Variants in PDE1A observed in about 807,000 individuals in gnomAD.
The protein encoded by PDE1A is dual specificity calcium/calmodulin-dependent 3',5'-cyclic nucleotide phosphodiesterase 1A.
PDE1A carries 35 observed loss-of-function variants against 61.7 expected under a neutral mutation model. That is an observed-to-expected ratio of 0.57 (90% CI 0.43 to 0.75). The LOEUF (loss-of-function observed/expected upper bound fraction) is 0.75. PDE1A is among the 30% of genes least tolerant of loss of function. The probability of loss-of-function intolerance (pLI) is 0.00; values close to 1 mark genes in which losing one functional copy is unlikely to be tolerated. For missense variants in PDE1A, 597 were observed against 630.6 expected, an observed-to-expected ratio of 0.95 and a Z score of 0.57; for synonymous variants, 232 against 213.2, an observed-to-expected ratio of 1.09 and a Z score of -0.77.
the PDE1A span, among the ~76,000 whole-genome samples, chr2:182,628,841 G>A: frequency 1.8e-4 from 27 of 152,180 alleles, no homozygotes; most frequent in Admixed American, 1.0e-3. Flanking sequence ...CCATGTTCTC[G>A]TAATCATCTC....
At chr2:182,529,543 G>A in the PDE1A span, among the ~76,000 whole-genome samples, 2 of 152,180 alleles carry the variant, frequency 1.3e-5, no homozygotes, top group Non-Finnish European at 2.9e-5. Flanking sequence ...TTAATACTTT[G>A]GGGGACTGTT....
At chr2:182,563,431 T>C in the PDE1A span, among the ~76,000 whole-genome samples, 6 of 152,228 alleles carry the variant, frequency 3.9e-5, no homozygotes, top group Non-Finnish European at 5.9e-5. Context: ...TAGTTTGTTA[T>C]CATTTCTGTT....
the PDE1A span, among the ~76,000 whole-genome samples, chr2:182,665,902 T>A: frequency 6.6e-6 from 1 of 152,106 alleles, no homozygotes; most frequent in Non-Finnish European, 1.5e-5. Flanking sequence ...AGGAATGAAA[T>A]CATGTCTTTT....
At chr2:182,614,556 T>TA in the PDE1A span, among the ~76,000 whole-genome samples, 1 of 142,304 alleles carries the variant, frequency 7.0e-6, no homozygotes. Flanking sequence ...AGCATATCTT[T>TA]TTTTTTTTTT....
At chr2:182,615,747 A>G in the PDE1A span, among the ~76,000 whole-genome samples, 1 of 152,140 alleles carries the variant, frequency 6.6e-6, no homozygotes, top group Non-Finnish European at 1.5e-5. Context: ...GGAAGGTAGA[A>G]GGGCAAGAGA....
At chr2:182,640,135 A>G in the PDE1A span, among the ~76,000 whole-genome samples, 41 of 152,368 alleles carry the variant, frequency 2.7e-4, no homozygotes, top group African/African-American at 9.9e-4. Context: ...GCATGGGCTA[A>G]GAATTTTATA....
At chr2:182,341,219 CA>C (rs1316071883) in intron 1 of PDE1A, among the ~76,000 whole-genome samples, 3 of 152,080 alleles carry the variant, frequency 2.0e-5, no homozygotes, top group Non-Finnish European at 4.4e-5. Context: ...AGGAGAGAAG[CA>C]AAATTCAAGC....
the PDE1A span, among the ~76,000 whole-genome samples, chr2:182,535,689 C>G: frequency 1.3e-5 from 2 of 152,028 alleles, no homozygotes; most frequent in Non-Finnish European, 2.9e-5. Flanking sequence ...ATTTCTCAAC[C>G]ATTCTACTAA....
chr2:182,247,962 C>CT (rs1216696899), intron 2 of PDE1A, among the ~76,000 whole-genome samples: 1 of 152,020 alleles, frequency 6.6e-6, no homozygotes, highest in Non-Finnish European at 1.5e-5. Context: ...ATTGTAAATG[C>CT]TTTTTAAAAA....
intron 7 of PDE1A, among the ~76,000 whole-genome samples, chr2:182,213,274 C>T (rs969077431): frequency 8.6e-5 from 12 of 138,768 alleles, no homozygotes; most frequent in Non-Finnish European, 1.4e-4. Context: ...TGTACATCAC[C>T]ATCATCAAAG....
the PDE1A span, among the ~76,000 whole-genome samples, chr2:182,662,838 A>G: frequency 6.6e-6 from 1 of 152,218 alleles, no homozygotes; most frequent in Non-Finnish European, 1.5e-5. Flanking sequence ...ATAGGATCTA[A>G]TTAAAATTAA....
chr2:182,477,929 T>G (rs1050899115), intron 2 of PDE1A, among the ~76,000 whole-genome samples: 3 of 151,822 alleles, frequency 2.0e-5, no homozygotes, highest in African/African-American at 7.3e-5. Flanking sequence ...TTCTCTAGAT[T>G]CCAGGTGTGT....
chr2:182,438,293 A>G (rs572371821), intron 2 of PDE1A, among the ~76,000 whole-genome samples: 1 of 152,096 alleles, frequency 6.6e-6, no homozygotes, highest in East Asian at 1.9e-4. Context: ...ACAATCAAAA[A>G]ACAACAATCT....
At chr2:182,615,681 TC>T in the PDE1A span, among the ~76,000 whole-genome samples, 1 of 152,110 alleles carries the variant, frequency 6.6e-6, no homozygotes, top group Non-Finnish European at 1.5e-5. Context: ...GTTGGGAAGC[TC>T]AATATCAAGG....
intron 8 of PDE1A, 26 bp from the exon 9 acceptor site, chr2:182,201,815 G>T: frequency 1.4e-6 from 2 of 1,419,778 alleles, no homozygotes; most frequent in Non-Finnish European, 2.0e-6. Flanking sequence ...AAGGAGAAAG[G>T]TTCATTCAGC....
chr2:182,168,315 T>C, intron 13 of PDE1A: 5 of 1,556,858 alleles, frequency 3.2e-6, no homozygotes, highest in Non-Finnish European at 4.3e-6. Flanking sequence ...AGCGTACTTA[T>C]TTTAATAATT....
At chr2:182,495,257 A>T (rs1574796316) in intron 2 of PDE1A, among the ~76,000 whole-genome samples, 1 of 152,254 alleles carries the variant, frequency 6.6e-6, no homozygotes, top group South Asian at 2.1e-4. Flanking sequence ...CTGCATACTG[A>T]CAGAGCTCAC....
chr2:182,516,537 T>C (rs1329180942), intron 2 of PDE1A, among the ~76,000 whole-genome samples: 2 of 151,518 alleles, frequency 1.3e-5, no homozygotes, highest in African/African-American at 4.9e-5. Context: ...CCTGTAGTTC[T>C]TGCTACCTGG....
intron 5 of PDE1A, among the ~76,000 whole-genome samples, chr2:182,230,531 T>C (rs550072646): frequency 1.9e-3 from 284 of 152,254 alleles, no homozygotes; most frequent in South Asian, 2.9e-3. Context: ...ACTTTATAGC[T>C]CTAAAAATGT....
Sources: gnomAD v4.1 joint callset for allele counts (sites outside exome capture counted in the v4.1 genomes callset) on GRCh38, gnomAD v4.1.1 for gene constraint, MANE v1.5 for transcripts, NCBI Gene and HGNC (gene_info 2026-07-23, HGNC 2026-07-21) for gene names.